NUDT13: variants seen among roughly 807,000 people sequenced by gnomAD.
NUDT13 encodes NAD(P)H pyrophosphatase NUDT13, mitochondrial.
A neutral mutation model predicts 41.7 loss-of-function variants in NUDT13; 40 were observed. The ratio of observed to expected loss-of-function variants is 0.96; its 90% confidence interval spans 0.75 to 1.25. The LOEUF (loss-of-function observed/expected upper bound fraction) is 1.25. Ranked by LOEUF, NUDT13 falls within the 50% of genes most tolerant of loss-of-function variation. NUDT13 has a pLI of 0.00. For missense variants in NUDT13, 390 were observed against 416.1 expected (o/e 0.94, Z 0.55); for synonymous variants, 145 against 155.5 (o/e 0.93, Z 0.50).
At position 73,122,192 on chromosome 10, in the gene NUDT13, G is replaced by C. The variant is rs1332850053; in HGVS notation, c.241G>C (p.Gly81Arg). ...TTTCTTAGAGTTGGAAAGGCTCCTG[G>C]GTAAATTTGGACAGGATGCACAAAG... ...HSLLELERLL[G>R]KFGQDAQRIE... The change falls in exon 4 of 9, where the codon GGT (glycine) becomes CGT (arginine). Residue 81 changes from glycine to arginine, a missense_variant. Transcript: ENST00000357321. 1.2e-6 allele frequency: 2 copies of C among 1,612,994 alleles called. No homozygotes were observed. The highest frequency in any genetic ancestry group is 1.7e-6 in the Non-Finnish European group (2 of 1,179,684).
chr10:73,110,696 T>C (rs1842343839), intron 1 of NUDT13, 129 bp downstream of exon 1: 1 of 152,160 alleles, frequency 6.6e-6, no homozygotes, highest in South Asian at 2.1e-4. Flanking sequence ...TCTCTTCCTT[T>C]TTGCAGAAAC....
intron 5 of NUDT13, 40 bp downstream of exon 5, chr10:73,124,360 G>T: frequency 2.8e-6 from 4 of 1,413,860 alleles, no homozygotes; most frequent in Non-Finnish European, 4.0e-6. Context: ...ATTTAGTAGA[G>T]CAGTAAGTGT....
intron 1 of NUDT13, among the ~76,000 whole-genome samples, chr10:73,112,377 T>C (rs888567372): frequency 2.6e-5 from 4 of 151,602 alleles, no homozygotes; most frequent in Non-Finnish European, 4.4e-5. Context: ...AAGAAAAATA[T>C]AATTAAATAC....
At chr10:73,118,146 G>T (rs1020251808) in intron 2 of NUDT13, among the ~76,000 whole-genome samples, 6 of 152,214 alleles carry the variant, frequency 3.9e-5, no homozygotes, top group Admixed American at 3.3e-4. Context: ...ACTTCTGAGT[G>T]ACACGTCTCT....
intron 5 of NUDT13, 159 bp downstream of exon 5, chr10:73,124,479 G>A: frequency 1.8e-6 from 1 of 569,238 alleles, no homozygotes; most frequent in African/African-American, 1.9e-5. Flanking sequence ...TAGGGAGATT[G>A]CTTATTCTTC....
At chr10:73,128,806 C>T (rs1248206023) in intron 8 of NUDT13, among the ~76,000 whole-genome samples, 6 of 152,214 alleles carry the variant, frequency 3.9e-5, no homozygotes, top group Non-Finnish European at 8.8e-5. Flanking sequence ...TAAGAGACCA[C>T]TGCCCAGTCT....
At chr10:73,112,640 G>T (rs1842397457) in intron 1 of NUDT13, among the ~76,000 whole-genome samples, 1 of 151,652 alleles carries the variant, frequency 6.6e-6, no homozygotes, top group Admixed American at 6.6e-5. Context: ...TTTTTTGTGT[G>T]TGTTGAGAAT....
intron 2 of NUDT13, among the ~76,000 whole-genome samples, chr10:73,116,668 G>T (rs1842519422): frequency 6.6e-6 from 1 of 151,908 alleles, no homozygotes; most frequent in African/African-American, 2.4e-5. Context: ...CTTGAACCTG[G>T]GAGGTGGAAG....
At chr10:73,115,673 A>C (rs867387732) in intron 2 of NUDT13, among the ~76,000 whole-genome samples, 21 of 152,332 alleles carry the variant, frequency 1.4e-4, no homozygotes, top group Admixed American at 4.6e-4. Flanking sequence ...AAGGTACTAT[A>C]ATAGAATAAT....
intron 7 of NUDT13, 135 bp from the exon 8 acceptor site, chr10:73,126,538 C>A (rs1317235190): frequency 3.3e-6 from 3 of 922,310 alleles, no homozygotes; most frequent in Non-Finnish European, 4.8e-6. Flanking sequence ...GTTGGAATGA[C>A]TCAGAGTTTT....
intron 3 of NUDT13, among the ~76,000 whole-genome samples, chr10:73,121,653 G>T (rs1206606541): frequency 6.6e-6 from 1 of 152,046 alleles, no homozygotes; most frequent in Non-Finnish European, 1.5e-5. Context: ...TGAACTCCTT[G>T]GCTCAAGAGA....
At chr10:73,118,927 G>A (rs982024791) in intron 2 of NUDT13, among the ~76,000 whole-genome samples, 2 of 151,828 alleles carry the variant, frequency 1.3e-5, no homozygotes, top group Non-Finnish European at 2.9e-5. Flanking sequence ...AGCTGAGATC[G>A]TGCCACTGCA....
At chr10:73,120,384 A>G (rs1842614701) in intron 3 of NUDT13, among the ~76,000 whole-genome samples, 1 of 152,238 alleles carries the variant, frequency 6.6e-6, no homozygotes, top group Non-Finnish European at 1.5e-5. Context: ...CTAATGCCTT[A>G]AACCAGGGGT....
intron 3 of NUDT13, among the ~76,000 whole-genome samples, chr10:73,121,140 G>A (rs975936000): frequency 6.6e-6 from 1 of 152,162 alleles, no homozygotes; most frequent in Non-Finnish European, 1.5e-5. Flanking sequence ...TTGGGAGGCT[G>A]AGGTGGGTGG....
chr10:73,129,634 A>G (rs910156690), intron 8 of NUDT13, among the ~76,000 whole-genome samples: 1 of 151,856 alleles, frequency 6.6e-6, no homozygotes, highest in African/African-American at 2.4e-5. Context: ...CTTCTTGCAA[A>G]GATGAGACTA....
At chr10:73,126,432 C>A (rs1182643336) in intron 7 of NUDT13, among the ~76,000 whole-genome samples, 1 of 152,114 alleles carries the variant, frequency 6.6e-6, no homozygotes, top group Non-Finnish European at 1.5e-5. Context: ...TTTATGAAAG[C>A]TGAGTGCAGT....
intron 5 of NUDT13, 119 bp from the exon 6 acceptor site, chr10:73,124,999 G>A (rs1212531966): frequency 5.4e-6 from 6 of 1,120,596 alleles, no homozygotes; most frequent in South Asian, 4.5e-5. Context: ...TTTAAATTAC[G>A]TGAGCTGTAA....
At chr10:73,114,928 C>A (rs1842471589) in intron 2 of NUDT13, 1 of 152,062 alleles carries the variant, frequency 6.6e-6, no homozygotes, top group Non-Finnish European at 1.5e-5. Context: ...AAATCATAAC[C>A]ATTTTGTCCA....
At chr10:73,124,881 G>A (rs1842732449) in intron 5 of NUDT13, 1 of 430,342 alleles carries the variant, frequency 2.3e-6, no homozygotes, top group African/African-American at 2.0e-5. Context: ...TACTTCATAT[G>A]TTTTAAATAA....
Sources: gnomAD v4.1 joint callset for allele counts (sites outside exome capture counted in the v4.1 genomes callset) on GRCh38, gnomAD v4.1.1 for gene constraint, MANE v1.5 for transcripts, NCBI Gene and HGNC (gene_info 2026-07-23, HGNC 2026-07-21) for gene names.